XAF1: variants seen among roughly 807,000 people sequenced by gnomAD.
XAF1 encodes XIAP-associated factor 1.
A neutral mutation model predicts 32.3 loss-of-function variants in XAF1; 32 were observed. That is an observed-to-expected ratio of 0.99 (90% confidence interval 0.75 to 1.33). The LOEUF (loss-of-function observed/expected upper bound fraction) is 1.33, where lower values mean the gene tolerates loss of function less well. Ranked by LOEUF, XAF1 falls within the 40% of genes most tolerant of loss-of-function variation. The probability of loss-of-function intolerance (pLI) is 0.00; values close to 1 mark genes in which losing one functional copy is unlikely to be tolerated. For synonymous variants in XAF1, 120 were observed against 125.9 expected, an observed-to-expected ratio of 0.95 and a Z score of 0.31; for missense variants, 379 against 366.0, an observed-to-expected ratio of 1.04 and a Z score of -0.29.
Position 6,773,405 on chromosome 17 carries a change from C to A in XAF1, c.*236C>A, listed in dbSNP as rs1053586871. On this transcript the variant is annotated 3_prime_UTR_variant, in exon 7 of 7. Transcript: ENST00000361842. ...TAAAAACCCTCAACAAACCAGGCGT[C>A]GAAGGAACATACCTCAAAATAATAA... 4.6e-6 allele frequency: 2 copies of A among 434,002 alleles called. No individual in the cohort carries two copies. The highest frequency in any genetic ancestry group is 8.1e-6 in the Non-Finnish European group (2 of 246,322). The allele number at this position is 434,002 out of a possible 1,614,324, so 26.9% of individuals were successfully genotyped here.
intron 5 of XAF1, among the ~76,000 whole-genome samples, chr17:6,763,014 G>T (rs1975337380): frequency 1.3e-5 from 2 of 152,144 alleles, no homozygotes; most frequent in Non-Finnish European, 2.9e-5. Context: ...TGTAAAATTT[G>T]CCATCACTAT....
chr17:6,775,413 C>T lies in XAF1; in HGVS notation c.*2244C>T, dbSNP rs959171599. ...CCTATATAGCAAGCCTACACATGTG[C>T]CCCTGAACCTAAAAAAAAAGTTAAA... On this transcript the variant is annotated 3_prime_UTR_variant, in exon 7 of 7. Transcript: ENST00000361842. 2.6e-5 allele frequency: 4 copies of T among 151,954 alleles called. No individual in the cohort carries two copies. Among genetic ancestry groups the T allele is most frequent in the African/African-American group, 9.7e-5 (4 of 41,272 alleles). 9.4% of individuals were successfully genotyped at this position (151,954 alleles called of 1,614,324 possible).
intron 6 of XAF1, among the ~76,000 whole-genome samples, chr17:6,772,463 A>ATT (rs1567664366): frequency 8.6e-6 from 1 of 115,788 alleles, no homozygotes; most frequent in Non-Finnish European, 1.8e-5. Context: ...TAAAGCTGCC[A>ATT]TCTTTTTTTT....
intron 6 of XAF1, chr17:6,771,957 A>G (rs1976064584): frequency 6.6e-6 from 1 of 152,192 alleles, no homozygotes; most frequent in Admixed American, 6.5e-5. Flanking sequence ...TTCTTTTTCC[A>G]CACATATTAT....
chr17:6,768,160 G>A (rs1423846323), intron 5 of XAF1, among the ~76,000 whole-genome samples: 2 of 149,162 alleles, frequency 1.3e-5, no homozygotes, highest in Admixed American at 1.3e-4. Context: ...GTCTCACTCT[G>A]TTGCCTGGGC....
At chr17:6,759,805 G>C (rs1975033785) in intron 3 of XAF1, 87 bp downstream of exon 3, 1 of 1,602,056 alleles carries the variant, frequency 6.2e-7, no homozygotes, top group Non-Finnish European at 8.5e-7. Flanking sequence ...GCCAGTAATA[G>C]AGATTTCCAC....
intron 1 of XAF1, chr17:6,757,381 C>T (rs1348864772): frequency 6.6e-6 from 1 of 152,218 alleles, no homozygotes; most frequent in African/African-American, 2.4e-5. Context: ...AGAACCCTTC[C>T]TTCACTGTGG....
At position 6,760,612 on chromosome 17, in the gene XAF1, A is replaced by T. The variant is rs1488483706; in HGVS notation, c.421+11A>T. The T allele has an allele frequency of 1.9e-6, 3 of 1,600,316 alleles. No individual in the cohort carries two copies. In the Admixed American group the frequency reaches 5.0e-5, roughly 27 times the overall value. On this transcript the variant is annotated intron_variant, in intron 4 of 6. Transcript: ENST00000361842. ...CCCAGCTCGGGAAAGGTAAGCACAC[A>T]AACTGGGGTGGAAGAGAGACGTTCC...
chr17:6,759,275 G>C (rs2151530279), intron 2 of XAF1: 26 of 1,164,386 alleles, frequency 2.2e-5, no homozygotes, highest in South Asian at 3.4e-5. Flanking sequence ...TCTGGCATAG[G>C]CAAGAGGTTC....
chr17:6,757,405 C>T (rs9903015), intron 1 of XAF1: 3 of 152,076 alleles, frequency 2.0e-5, no homozygotes, highest in Admixed American at 2.0e-4. Flanking sequence ...CCAGGAAGAA[C>T]CTCGGAGTCT....
intron 5 of XAF1, among the ~76,000 whole-genome samples, chr17:6,769,419 G>C (rs1975855753): frequency 6.6e-6 from 1 of 152,024 alleles, no homozygotes; most frequent in Non-Finnish European, 1.5e-5. Context: ...GTTATTATTT[G>C]TTAATTACAA....
chr17:6,757,801 C>T (rs1974810212), intron 1 of XAF1, among the ~76,000 whole-genome samples: 1 of 152,070 alleles, frequency 6.6e-6, no homozygotes, highest in South Asian at 2.1e-4. Flanking sequence ...AGCTTCCTGT[C>T]ACCCCAAAAG....
chr17:6,768,612 G>A (rs555780191), intron 5 of XAF1, among the ~76,000 whole-genome samples: 71 of 152,106 alleles, frequency 4.7e-4, no homozygotes, highest in African/African-American at 1.6e-3. Flanking sequence ...TGATAGTTTA[G>A]CTGGATATCA....
intron 4 of XAF1, among the ~76,000 whole-genome samples, chr17:6,761,363 T>C (rs1333888892): frequency 6.6e-6 from 1 of 152,208 alleles, no homozygotes; most frequent in East Asian, 1.9e-4. Flanking sequence ...TTTTCCATTA[T>C]CAACAATGGC....
chr17:6,761,872 A>AAT (rs1975230132), intron 4 of XAF1: 34 of 1,438,440 alleles, frequency 2.4e-5, no homozygotes, highest in Non-Finnish European at 3.0e-5. Flanking sequence ...CTACAGCTCC[A>AAT]TTCATCTCCT....
chr17:6,767,099 C>A (rs1180980588), intron 5 of XAF1, among the ~76,000 whole-genome samples: 1 of 152,112 alleles, frequency 6.6e-6, no homozygotes, highest in African/African-American at 2.4e-5. Flanking sequence ...TATTAAAAAT[C>A]TTATTACAAT....
chr17:6,765,793 A>G (rs1026621151), intron 5 of XAF1, among the ~76,000 whole-genome samples: 4 of 152,178 alleles, frequency 2.6e-5, no homozygotes, highest in Non-Finnish European at 5.9e-5. Context: ...TGCCCCCTAC[A>G]GTCTATTCTC....
At chr17:6,757,775 G>T (rs9907577) in intron 1 of XAF1, among the ~76,000 whole-genome samples, 2,440 of 152,126 alleles carry the variant, frequency 0.016, 78 homozygotes, top group African/African-American at 0.056. Context: ...CACCATCCCC[G>T]TAATTGAGAT....
At position 6,770,700 on chromosome 17, in the gene XAF1, A is replaced by T. The variant is rs943260785; in HGVS notation, c.565A>T (p.Ile189Phe). Residue 189 changes from isoleucine to phenylalanine, a missense_variant, in exon 6 of 7, where the codon ATT becomes TTT. Transcript: ENST00000361842. ...KKHFPVGNPE[I>F]LPSSLPSQAA... ...ACACTTTCCTGTTGGAAATCCAGAA[A>T]TTCTTCCTTCATCTCTTCCAAGTCA... 3 of 1,610,418 alleles carry T rather than the reference A, an allele frequency of 1.9e-6. No homozygotes were observed. In the African/African-American group the frequency reaches 4.0e-5, roughly 22 times the overall value.
Sources: allele counts gnomAD v4.1 joint callset (sites outside exome capture counted in the v4.1 genomes callset), GRCh38; gene constraint gnomAD v4.1.1; transcripts MANE v1.5; gene names NCBI Gene and HGNC (gene_info 2026-07-23, HGNC 2026-07-21).